The following PPARD variants were observed in gnomAD, a reference collection of about 807,000 sequenced individuals.
The protein encoded by PPARD is peroxisome proliferator-activated receptor delta.
In PPARD, 6 loss-of-function variants were observed where a neutral mutation model predicts 39.5. The ratio of observed to expected loss-of-function variants is 0.15; its 90% CI spans 0.08 to 0.30. The LOEUF (loss-of-function observed/expected upper bound fraction) is 0.30, where lower values mean the gene tolerates loss of function less well. Among genes scored for constraint, PPARD ranks in the 10% least tolerant of loss-of-function variants. The probability of loss-of-function intolerance (pLI) is 1.00; values close to 1 mark genes in which losing one functional copy is unlikely to be tolerated. For synonymous variants in PPARD, 210 were observed against 231.3 expected (o/e 0.91, Z 0.83); for missense variants, 397 against 596.8 (o/e 0.67, Z 3.49).
chr6:35,379,306 G>A (rs982558308), intron 2 of PPARD, among the ~76,000 whole-genome samples: 5 of 151,984 alleles, frequency 3.3e-5, no homozygotes, highest in African/African-American at 1.2e-4. Flanking sequence ...GTTTTACCAT[G>A]TTGCCCAGGC....
chr6:35,393,236 G>A (rs949310773), intron 2 of PPARD, among the ~76,000 whole-genome samples: 8 of 152,192 alleles, frequency 5.3e-5, no homozygotes, highest in Admixed American at 1.3e-4. Context: ...GGGCAGGAGC[G>A]GAGGGAGGGG....
At chr6:35,367,390 G>GA (rs1057120331) in intron 2 of PPARD, among the ~76,000 whole-genome samples, 1 of 152,212 alleles carries the variant, frequency 6.6e-6, no homozygotes, top group African/African-American at 2.4e-5. Context: ...CGCAGATAGT[G>GA]ATGGTAACTG....
chr6:35,368,170 A>C (rs1383809424), intron 2 of PPARD, among the ~76,000 whole-genome samples: 2 of 152,226 alleles, frequency 1.3e-5, no homozygotes, highest in Non-Finnish European at 1.5e-5. Flanking sequence ...CCCTTTTCAC[A>C]GATGAGCATC....
intron 2 of PPARD, among the ~76,000 whole-genome samples, chr6:35,382,151 C>T (rs1763190223): frequency 6.6e-6 from 1 of 152,170 alleles, no homozygotes. Context: ...GAAACAGAAA[C>T]AGTTGGCCTA....
At position 35,411,130 on chromosome 6, in the gene PPARD, G is replaced by T; in HGVS notation, c.43G>T (p.Glu15Ter). The change falls in exon 3 of 8, where the codon GAG becomes TAG. Residue 15 changes from glutamate to a stop codon, truncating the protein, a stop_gained. Transcript: ENST00000360694. LOFTEE classifies it high-confidence loss of function. The part of the protein sequence containing the change: ...QEEAPEVREE[E>*]EKEEVAEAEG... ...GGAAGCCCCTGAGGTCCGGGAAGAG[G>T]AGGAGAAAGAGGAAGTGGCAGAGGC... The T allele has an allele frequency of 6.3e-7, 1 of 1,588,520 alleles. No individual in the cohort carries two copies. The highest frequency in any genetic ancestry group is 8.6e-7 in the Non-Finnish European group (1 of 1,166,346).
Position 35,424,618 on chromosome 6 carries a change from C to T in PPARD, c.917C>T (p.Ala306Val). The T allele has an allele frequency of 6.2e-7, 1 of 1,614,238 alleles. No individual in the cohort carries two copies. Among genetic ancestry groups the T allele is most frequent in the East Asian group, 2.2e-5 (1 of 44,882 alleles). Residue 306 changes from alanine to valine, a missense_variant, in exon 7 of 8, where the codon GCC becomes GTC. Transcript: ENST00000360694. The surrounding 1 kb of genome is among the most constrained non-coding windows in gnomAD (Gnocchi z 7.1). ...SIVNKDGLLVANGSGFVTREF... is the reference protein window; with the variant it reads ...SIVNKDGLLVVNGSGFVTREF... Reference sequence around the variant, plus strand: ...GTCAACAAGGACGGGCTGCTGGTAGCCAACGGCAGTGGCTTTGTCACCCGT... The same window carrying T: ...GTCAACAAGGACGGGCTGCTGGTAGTCAACGGCAGTGGCTTTGTCACCCGT...
intron 2 of PPARD, chr6:35,349,083 T>A: frequency 7.6e-6 from 7 of 922,292 alleles, no homozygotes; most frequent in Non-Finnish European, 9.1e-6. Context: ...TGGAGTGCAG[T>A]GGCGCGATCT....
At chr6:35,374,708 G>C (rs1318959650) in intron 2 of PPARD, among the ~76,000 whole-genome samples, 1 of 151,698 alleles carries the variant, frequency 6.6e-6, no homozygotes, top group Admixed American at 6.6e-5. Context: ...AATAGTGGTA[G>C]TAAGAATTTT....
Position 35,426,070 on chromosome 6 carries a change from C to T in PPARD, c.1317C>T (p.Asp439=). The change falls in exon 8 of 8, where the codon GAC becomes GAT. Residue 439 remains aspartate, a synonymous_variant. Coordinates refer to ENST00000360694, the MANE Select transcript of PPARD (RefSeq NM_006238.5). ...CTCTGCTCCAGGAGATCTACAAGGA[C>T]ATGTACTAACGGCGGCACCCAGGCC... ...LHPLLQEIYK[D]MY is the part of the protein sequence containing the mutation. The T allele has an allele frequency of 6.2e-7, 1 of 1,612,218 alleles. No homozygotes were observed. The highest frequency in any genetic ancestry group is 8.5e-7 in the Non-Finnish European group (1 of 1,179,964).
chr6:35,407,867 T>C (rs1240928278), intron 2 of PPARD, among the ~76,000 whole-genome samples: 2 of 151,762 alleles, frequency 1.3e-5, no homozygotes, highest in African/African-American at 4.8e-5. Context: ...TAGGGTCCTT[T>C]TTCCAGTATT....
Position 35,409,483 on chromosome 6 carries a change from C to T in PPARD, c.-101-1504C>T, listed in dbSNP as rs941662985. Among the ~76,000 whole-genome samples the T allele has an allele frequency of 1.1e-4, 16 of 151,552 alleles. No homozygotes were observed. The South Asian group carries it at 1.7e-3, about 16-fold the overall frequency. Reference sequence around the variant, plus strand: ...TTGCGCCACTGCACTCCAGCCTAGGCGACAGAGTGAGACTGTCTCAAAAAA... The same window carrying T: ...TTGCGCCACTGCACTCCAGCCTAGGTGACAGAGTGAGACTGTCTCAAAAAA... On this transcript the variant is annotated intron_variant, in intron 2 of 7. Coordinates refer to ENST00000360694, the MANE Select transcript of PPARD (RefSeq NM_006238.5).
chr6:35,351,849 A>G (rs867247765), intron 2 of PPARD, among the ~76,000 whole-genome samples: 1 of 135,188 alleles, frequency 7.4e-6, no homozygotes, highest in Non-Finnish European at 1.5e-5. Context: ...GGCATGAGCC[A>G]CCACACCCAG....
intron 2 of PPARD, among the ~76,000 whole-genome samples, chr6:35,374,539 T>TC (rs1337969484): frequency 6.6e-6 from 1 of 150,878 alleles, no homozygotes; most frequent in Non-Finnish European, 1.5e-5. Flanking sequence ...GCACCTGTAG[T>TC]CCCAGCTACT....
At chr6:35,383,579 G>A (rs1029797967) in intron 2 of PPARD, among the ~76,000 whole-genome samples, 8 of 140,288 alleles carry the variant, frequency 5.7e-5, no homozygotes, top group South Asian at 2.1e-4. Flanking sequence ...CCATCTAGGA[G>A]GTGAGGAGCG....
chr6:35,419,047 A>G (rs192079845), intron 3 of PPARD, among the ~76,000 whole-genome samples: 3 of 152,250 alleles, frequency 2.0e-5, no homozygotes, highest in South Asian at 2.1e-4. Flanking sequence ...GTAGACAGGT[A>G]TTACCACAGG....
chr6:35,416,593 G>GT (rs1765788093), intron 3 of PPARD, among the ~76,000 whole-genome samples: 1 of 152,124 alleles, frequency 6.6e-6, no homozygotes. Context: ...GAGGTTTTAC[G>GT]TGAGATGAAA....
intron 2 of PPARD, chr6:35,397,561 G>A (rs200782317): frequency 1.6e-5 from 16 of 985,202 alleles, no homozygotes; most frequent in Middle Eastern, 1.0e-3. Context: ...ACTGAAGCCC[G>A]TGGAGCAGTG....
At chr6:35,357,163 C>T (rs1302838009) in intron 2 of PPARD, among the ~76,000 whole-genome samples, 1 of 150,894 alleles carries the variant, frequency 6.6e-6, no homozygotes, top group African/African-American at 2.4e-5. Flanking sequence ...TTGACCTGCC[C>T]ATTCCTAGTG....
At chr6:35,392,471 A>G (rs1418364512) in intron 2 of PPARD, among the ~76,000 whole-genome samples, 1 of 151,984 alleles carries the variant, frequency 6.6e-6, no homozygotes, top group Non-Finnish European at 1.5e-5. Flanking sequence ...GCACTGGCCC[A>G]CTTTAGGGTT....
Sources: gnomAD v4.1 joint callset for allele counts (sites outside exome capture counted in the v4.1 genomes callset) on GRCh38, gnomAD v4.1.1 for gene constraint, Gnocchi (gnomAD v3.1) non-coding constraint, MANE v1.5 for transcripts, NCBI Gene and HGNC (gene_info 2026-07-23, HGNC 2026-07-21) for gene names.